The following ZBBX variants were observed in gnomAD, a reference collection of about 807,000 sequenced individuals.
ZBBX encodes zinc finger B-box domain containing.
ZBBX carries 101 observed loss-of-function variants against 108.5 expected under a neutral mutation model. The observed-to-expected ratio is 0.93, with a 90% CI of 0.79 to 1.10. ZBBX has a LOEUF of 1.10. Among genes scored for constraint, ZBBX ranks in the 50% least tolerant of loss-of-function variants. ZBBX has a pLI of 0.00. For missense variants in ZBBX, 1,009 were observed against 941.4 expected (o/e 1.07, Z -0.94); for synonymous variants, 356 against 323.4 (o/e 1.10, Z -1.08).
intron 20 of ZBBX, among the ~76,000 whole-genome samples, chr3:167,250,348 G>A (rs1205431788): frequency 6.6e-6 from 1 of 152,154 alleles, no homozygotes; most frequent in African/African-American, 2.4e-5. Flanking sequence ...GGCAAGAACA[G>A]TTATTTCTCT....
the ZBBX span, among the ~76,000 whole-genome samples, chr3:167,220,795 GT>G: frequency 2.0e-5 from 3 of 151,842 alleles, no homozygotes; most frequent in Non-Finnish European, 4.4e-5. Context: ...AATTGCCCTT[GT>G]TTTCATATAA....
intron 9 of ZBBX, among the ~76,000 whole-genome samples, chr3:167,340,199 A>G (rs561250561): frequency 6.6e-6 from 1 of 152,230 alleles, no homozygotes; most frequent in East Asian, 1.9e-4. Flanking sequence ...ATTGATAATA[A>G]CAAATTAGAC....
chr3:167,389,588 C>A lies in ZBBX; in HGVS notation c.-445-9183G>T, dbSNP rs199761756. On this transcript the variant is annotated intron_variant, in intron 1 of 21. Transcript: ENST00000455345. Reference sequence around the variant, plus strand: ...CACATTGGTTGAACTAATTTACACTCCCACAAACAGTGTAAAAGTGTTCCT... The same window carrying A: ...CACATTGGTTGAACTAATTTACACTACCACAAACAGTGTAAAAGTGTTCCT... Among the ~76,000 whole-genome samples, 17 of 152,242 alleles carry A rather than the reference C, an allele frequency of 1.1e-4. No individual in the cohort carries two copies. In the East Asian group the frequency reaches 3.3e-3, roughly 29 times the overall value.
At chr3:167,211,973 T>C in the ZBBX span, among the ~76,000 whole-genome samples, 95 of 152,170 alleles carry the variant, frequency 6.2e-4, 1 homozygote, top group African/African-American at 2.2e-3. Flanking sequence ...AGCTGCACTA[T>C]AAAAATGTAG....
intron 19 of ZBBX, 21 bp from the exon 20 acceptor site, chr3:167,282,516 T>A (rs1213980649): frequency 6.3e-7 from 1 of 1,581,748 alleles, no homozygotes. Flanking sequence ...AAGTAAAAAG[T>A]TTTTAAATCA....
intron 1 of ZBBX, among the ~76,000 whole-genome samples, chr3:167,386,082 T>C (rs1224970652): frequency 1.3e-5 from 2 of 151,578 alleles, no homozygotes; most frequent in African/African-American, 2.4e-5. Context: ...AGATTGAGAT[T>C]GAGAGAGAAA....
At position 167,276,223 on chromosome 3, in the gene ZBBX, G is replaced by A. The variant is rs370632375; in HGVS notation, c.2254+6015C>T. 2.3e-4 allele frequency among the ~76,000 whole-genome samples: 35 copies of A among 152,288 alleles called. No homozygotes were observed. The East Asian group carries it at 6.6e-3, about 29-fold the overall frequency. ...AGGAATGCAGTTCCTCACCAGCAAC[G>A]GAACAAAGCTGGATGGAGAATGACT... is the stretch of plus-strand genomic sequence containing the variant. On this transcript the variant is annotated intron_variant, in intron 20 of 21. Coordinates refer to ENST00000675490, the MANE Select transcript of ZBBX (RefSeq NM_001199201.2).
At chr3:167,237,388 C>T (rs879734781), downstream of ZBBX, among the ~76,000 whole-genome samples, 4 of 151,886 alleles carry the variant, frequency 2.6e-5, no homozygotes, top group South Asian at 2.1e-4. Flanking sequence ...GTATAAACTA[C>T]GAATTTCAAC....
At chr3:167,338,236 T>C (rs1308441581) in intron 9 of ZBBX, among the ~76,000 whole-genome samples, 1 of 152,174 alleles carries the variant, frequency 6.6e-6, no homozygotes. Flanking sequence ...ACTTTTTTTC[T>C]GCCTAGAATG....
chr3:167,267,608 C>T (rs1209248586), intron 20 of ZBBX, among the ~76,000 whole-genome samples: 1 of 152,298 alleles, frequency 6.6e-6, no homozygotes, highest in South Asian at 2.1e-4. Context: ...GTCCACTCCT[C>T]AAGCCCTCAA....
the ZBBX span, among the ~76,000 whole-genome samples, chr3:167,230,688 A>T: frequency 0.013 from 2,028 of 151,954 alleles, 22 homozygotes; most frequent in South Asian, 0.026. Flanking sequence ...GGTGAGCTCA[A>T]GAAAGAGGAG....
At chr3:167,345,101 T>C (rs1298124914) in intron 9 of ZBBX, among the ~76,000 whole-genome samples, 1 of 151,860 alleles carries the variant, frequency 6.6e-6, no homozygotes, top group Non-Finnish European at 1.5e-5. Flanking sequence ...AATTTTGCCC[T>C]AAAATACAGT....
chr3:167,384,233 T>C (rs373591491), upstream of ZBBX, among the ~76,000 whole-genome samples: 5 of 152,166 alleles, frequency 3.3e-5, no homozygotes, highest in Admixed American at 3.3e-4. Flanking sequence ...GTTATATTAG[T>C]CCAAGATAGA....
At chr3:167,184,044 T>C in the ZBBX span, among the ~76,000 whole-genome samples, 5 of 152,202 alleles carry the variant, frequency 3.3e-5, no homozygotes, top group Non-Finnish European at 5.9e-5. Context: ...AATAGACCAT[T>C]TTTCTTGCAA....
chr3:167,284,205 T>TATAA (rs1553796540), intron 19 of ZBBX, among the ~76,000 whole-genome samples: 2 of 150,314 alleles, frequency 1.3e-5, no homozygotes, highest in Non-Finnish European at 3.0e-5. Context: ...TATATATATA[T>TATAA]AATTATCCCT....
At chr3:167,392,033 C>T (rs960589150) in intron 1 of ZBBX, among the ~76,000 whole-genome samples, 38 of 151,748 alleles carry the variant, frequency 2.5e-4, no homozygotes, top group African/African-American at 9.2e-4. Context: ...TCTGCCTACC[C>T]TATGCACTTG....
At chr3:167,330,945 T>TTCTCTCTTTCTCTCTCTCTCTCTCTC (rs1738469559) in intron 10 of ZBBX, among the ~76,000 whole-genome samples, 1 of 87,172 alleles carries the variant, frequency 1.1e-5, no homozygotes, top group East Asian at 4.8e-4. Flanking sequence ...CTCTCTTTCT[T>TTCTCTCTTTCTCTCTCTCTCTCTCTC]TCTCTCTCTC....
chr3:167,216,238 C>T, the ZBBX span, among the ~76,000 whole-genome samples: 9 of 152,060 alleles, frequency 5.9e-5, no homozygotes, highest in South Asian at 6.2e-4. Context: ...CCATAGTCTT[C>T]GTCTAAAAGC....
intron 15 of ZBBX, among the ~76,000 whole-genome samples, chr3:167,315,199 G>A (rs867583562): frequency 1.3e-5 from 2 of 152,132 alleles, no homozygotes; most frequent in Non-Finnish European, 2.9e-5. Flanking sequence ...ATTACTAACA[G>A]ATACAGTTAG....
Sources: allele counts gnomAD v4.1 joint callset (sites outside exome capture counted in the v4.1 genomes callset), GRCh38; gene constraint gnomAD v4.1.1; transcripts MANE v1.5; gene names NCBI Gene and HGNC (gene_info 2026-07-23, HGNC 2026-07-21).